Variants in AZI2 observed in about 807,000 individuals in gnomAD.
AZI2 encodes 5-azacytidine induced 2.
In AZI2, 22 loss-of-function variants were observed where a neutral mutation model predicts 45.8. That is an observed-to-expected ratio of 0.48 (90% CI 0.34 to 0.69). The LOEUF (loss-of-function observed/expected upper bound fraction) is 0.69, where lower values mean the gene tolerates loss of function less well. Ranked by LOEUF, AZI2 falls within the 30% of genes least tolerant of loss-of-function variation. The probability of loss-of-function intolerance (pLI) is 0.01; values close to 1 mark genes in which losing one functional copy is unlikely to be tolerated. For synonymous variants in AZI2, 137 were observed against 156.7 expected (o/e 0.87, Z 0.94); for missense variants, 417 against 441.5 (o/e 0.94, Z 0.50).
chr3:28,324,561 T>C, intron 7 of AZI2, 107 bp from the exon 8 acceptor site: 1 of 1,075,778 alleles, frequency 9.3e-7, no homozygotes, highest in Non-Finnish European at 1.2e-6. Context: ...GAAATTAAGA[T>C]TTCCAAGTTA....
intron 5 of AZI2, among the ~76,000 whole-genome samples, chr3:28,333,094 T>C (rs1703650866): frequency 6.6e-6 from 1 of 151,920 alleles, no homozygotes; most frequent in South Asian, 2.1e-4. Context: ...CTGTAACAAA[T>C]GAAAATGATT....
rs1200483241 is a variant in AZI2, at chr3:28,322,557, G to C, written c.*1485C>G. The C allele has an allele frequency of 6.6e-6, 1 of 151,522 alleles. No homozygotes were observed. Among genetic ancestry groups the C allele is most frequent in the African/African-American group, 2.4e-5 (1 of 41,304 alleles). 9.4% of individuals were successfully genotyped at this position (151,522 alleles called of 1,614,324 possible). ...TGCAGCCACATGAGAAATAGTTTTT[G>C]CTGCTTTGTTATTACACAGGTAGTT... On this transcript the variant is annotated 3_prime_UTR_variant, in exon 8 of 8. Coordinates refer to ENST00000479665, the MANE Select transcript of AZI2 (RefSeq NM_022461.5).
At chr3:28,324,570 T>C in intron 7 of AZI2, 116 bp from the exon 8 acceptor site, 1 of 978,926 alleles carries the variant, frequency 1.0e-6, no homozygotes, top group South Asian at 3.2e-5. Context: ...ATTTCCAAGT[T>C]AGTGTGATCA....
Position 28,323,857 on chromosome 3 carries a change from CTCTT to C in AZI2, c.*181_*184del, listed in dbSNP as rs1290382493. 3 of 542,514 alleles carry C rather than the reference CTCTT, an allele frequency of 5.5e-6. No individual in the cohort carries two copies. The African/African-American group carries it at 5.7e-5, about 10-fold the overall frequency. The allele number at this position is 542,514 out of a possible 1,614,324, so 33.6% of individuals were successfully genotyped here. A position where few individuals can be genotyped will look rare whatever the true frequency, so the allele number is the denominator to read the frequency against. On this transcript the variant is annotated 3_prime_UTR_variant, in exon 8 of 8. Coordinates refer to ENST00000479665, the MANE Select transcript of AZI2 (RefSeq NM_022461.5). The stretch of plus-strand genomic sequence containing the variant: ...TCTTAGAATATGGAGCTAGAGGGTG[CTCTT>C]TCATACTAGAAAACCAACTATGTTG...
At chr3:28,347,782 T>C (rs1704316792) in intron 1 of AZI2, among the ~76,000 whole-genome samples, 1 of 152,214 alleles carries the variant, frequency 6.6e-6, no homozygotes, top group African/African-American at 2.4e-5. Context: ...TTACAGATGA[T>C]GAAATGATCA....
Position 28,340,418 on chromosome 3 carries a change from C to T in AZI2, c.200G>A (p.Arg67Lys). The T allele has an allele frequency of 1.9e-6, 3 of 1,591,460 alleles. No homozygotes were observed. The highest frequency in any genetic ancestry group is 2.6e-6 in the Non-Finnish European group (3 of 1,162,088). Residue 67 changes from arginine (R) to lysine (K), a missense_variant, in exon 2 of 8, where the codon AGA (arginine) becomes AAA (lysine). Transcript: ENST00000479665. ...AAAAATTACCTTTTCTTCCAAAAAT[C>T]TTATTCTCTTCTTTAACAAAGAGTT... ...KENSLLKKRI[R>K]FLEEKLIARF... is the part of the protein sequence containing the mutation.
chr3:28,346,300 T>C (rs765637260), intron 1 of AZI2, among the ~76,000 whole-genome samples: 3 of 152,138 alleles, frequency 2.0e-5, no homozygotes, highest in Non-Finnish European at 2.9e-5. Context: ...TACAGAATGA[T>C]AGGGTTAGAC....
intron 1 of AZI2, among the ~76,000 whole-genome samples, chr3:28,344,201 T>C (rs967254300): frequency 6.6e-6 from 1 of 152,066 alleles, no homozygotes; most frequent in Non-Finnish European, 1.5e-5. Flanking sequence ...TTAAAATAAC[T>C]GTCATTTAAA....
rs957930022 is a variant in AZI2, at chr3:28,331,823, G to A, written c.647+546C>T. 7.1e-6 allele frequency: 11 copies of A among 1,540,656 alleles called. No individual in the cohort carries two copies. The African/African-American group carries it at 1.2e-4, about 17-fold the overall frequency. On this transcript the variant is annotated intron_variant, in intron 6 of 7. Transcript: ENST00000479665. ...TAAGTAAAAATGATACGTATTTGAG[G>A]AAAAAGGGTTGAAAAAGTATATGAA...
chr3:28,336,488 G>C (rs1376043403), intron 5 of AZI2, among the ~76,000 whole-genome samples: 5 of 151,858 alleles, frequency 3.3e-5, no homozygotes, highest in African/African-American at 1.2e-4. Flanking sequence ...AAACTAATAA[G>C]CTTACTAAAA....
At chr3:28,329,681 T>C (rs1018997084) in intron 6 of AZI2, among the ~76,000 whole-genome samples, 2 of 151,274 alleles carry the variant, frequency 1.3e-5, no homozygotes, top group African/African-American at 2.4e-5. Flanking sequence ...ACTGAACTAT[T>C]ACATCCTCCA....
intron 1 of AZI2, among the ~76,000 whole-genome samples, chr3:28,342,858 A>C (rs1704078873): frequency 6.6e-6 from 1 of 152,026 alleles, no homozygotes; most frequent in African/African-American, 2.4e-5. Context: ...CATTTGACTT[A>C]AATAATTTAA....
chr3:28,347,724 T>C lies in AZI2; in HGVS notation c.-6+877A>G, dbSNP rs116582545. ...TAAGATGTCTGGCTTACAAACAATA[T>C]CACATTAAAATTTGGAAATATCCTG... On this transcript the variant is annotated intron_variant, in intron 1 of 7. Coordinates refer to ENST00000479665, the MANE Select transcript of AZI2 (RefSeq NM_022461.5). Among the ~76,000 whole-genome samples the C allele has an allele frequency of 1.9e-3, 286 of 152,300 alleles. 1 individual carries two copies. Among genetic ancestry groups the C allele is most frequent in the African/African-American group, 6.6e-3 (274 of 41,566 alleles).
At position 28,324,068 on chromosome 3, in the gene AZI2, T is replaced by G. The variant is rs760583511; in HGVS notation, c.1153A>C (p.Asn385His). The change falls in exon 8 of 8, where the codon AAT becomes CAT. Residue 385 changes from asparagine to histidine, a missense_variant. Asn to His is a moderately conservative substitution (Grantham distance 68). Transcript: ENST00000479665. ...TAATTCTTATAAAGGCAGTTCTGAT[T>G]ATGTTGATCCAAGTAATGCAGTGGT... ...LPPLHYLDQH[N>H]QNCLYKN 1 of 1,609,018 alleles carries G rather than the reference T, an allele frequency of 6.2e-7. No homozygotes were observed. Among genetic ancestry groups the G allele is most frequent in the Non-Finnish European group, 8.5e-7 (1 of 1,176,670 alleles).
chr3:28,337,850 T>A (rs767409252), intron 4 of AZI2, 87 bp downstream of exon 4: 5 of 782,834 alleles, frequency 6.4e-6, no homozygotes, highest in Non-Finnish European at 9.4e-6. Flanking sequence ...GGTCTTAGCA[T>A]ATGGATACAG....
Position 28,326,760 on chromosome 3 carries a change from T to C in AZI2, c.766+72A>G. The C allele has an allele frequency of 2.7e-6, 3 of 1,102,182 alleles. No homozygotes were observed. In the Middle Eastern group the frequency reaches 5.9e-4, roughly 218 times the overall value. 68.3% of individuals were successfully genotyped at this position (1,102,182 alleles called of 1,614,324 possible). ...AATCTCTCATTTGATGAGATTTTGA[T>C]AAGATATGACAGCTAGTTGCTCTTC... On this transcript the variant is annotated intron_variant, in intron 7 of 7. Coordinates refer to ENST00000479665, the MANE Select transcript of AZI2 (RefSeq NM_022461.5).
chr3:28,321,415 C>T lies in AZI2; in HGVS notation c.*2627G>A, dbSNP rs145981673. 2.5e-4 allele frequency: 38 copies of T among 151,466 alleles called. No individual in the cohort carries two copies. Among genetic ancestry groups the T allele is most frequent in the African/African-American group, 8.4e-4 (35 of 41,434 alleles). 9.4% of individuals were successfully genotyped at this position (151,466 alleles called of 1,614,324 possible). A position where few individuals can be genotyped will look rare whatever the true frequency, so the allele number is the denominator to read the frequency against. On this transcript the variant is annotated 3_prime_UTR_variant, in exon 8 of 8. Transcript: ENST00000479665. ...GTACATGTTGCTTTCCCCATAGAAG[C>T]CAGATTAGATTACACAGTATAAATA...
At position 28,323,280 on chromosome 3, in the gene AZI2, T is replaced by C. The variant is rs1050671864; in HGVS notation, c.*762A>G. 2 of 151,272 alleles carry C rather than the reference T, an allele frequency of 1.3e-5. No individual in the cohort carries two copies. The highest frequency in any genetic ancestry group is 1.5e-5 in the Non-Finnish European group (1 of 67,284). The allele number at this position is 151,272 out of a possible 1,614,324, so 9.4% of individuals were successfully genotyped here. A position where few individuals can be genotyped will look rare whatever the true frequency, so the allele number is the denominator to read the frequency against. ...GATTAGACTGAAATCTGTGTGATGC[T>C]CCTTCTACTACTTATTGAATAGTGT... On this transcript the variant is annotated 3_prime_UTR_variant, in exon 8 of 8. Transcript: ENST00000479665.
At position 28,322,514 on chromosome 3, in the gene AZI2, GATATA is replaced by G. The variant is rs1407132544; in HGVS notation, c.*1523_*1527del. On this transcript the variant is annotated 3_prime_UTR_variant, in exon 8 of 8. Coordinates refer to ENST00000479665, the MANE Select transcript of AZI2 (RefSeq NM_022461.5). ...AACCAGTAAGCTACATTAGAGATCA[GATATA>G]ATATACAGCCTATGCAGCCACATGA... is the stretch of plus-strand genomic sequence containing the variant. 1.3e-5 allele frequency: 2 copies of G among 151,636 alleles called. No homozygotes were observed. Among genetic ancestry groups the G allele is most frequent in the African/African-American group, 4.8e-5 (2 of 41,322 alleles). The allele number at this position is 151,636 out of a possible 1,614,324, so 9.4% of individuals were successfully genotyped here.
Sources: gnomAD v4.1 joint callset for allele counts (sites outside exome capture counted in the v4.1 genomes callset) on GRCh38, gnomAD v4.1.1 for gene constraint, MANE v1.5 for transcripts, NCBI Gene and HGNC (gene_info 2026-07-23, HGNC 2026-07-21) for gene names.